Variants in B3GALT1 observed in about 807,000 individuals in gnomAD.
B3GALT1 encodes the protein beta-1,3-galactosyltransferase 1.
In B3GALT1, 10 loss-of-function variants were observed where a neutral mutation model predicts 23.2. The observed-to-expected ratio is 0.43, with a 90% CI of 0.27 to 0.73. The LOEUF (loss-of-function observed/expected upper bound fraction) is 0.73, where lower values mean the gene tolerates loss of function less well. Ranked by LOEUF, B3GALT1 falls within the 30% of genes least tolerant of loss-of-function variation. B3GALT1 has a pLI of 0.21. For missense variants in B3GALT1, 299 were observed against 405.4 expected (o/e 0.74, Z 2.25); for synonymous variants, 156 against 141.5 (o/e 1.10, Z -0.73).
At chr2:167,838,361 C>G (rs1350643760) in intron 4 of B3GALT1, among the ~76,000 whole-genome samples, 4 of 152,280 alleles carry the variant, frequency 2.6e-5, no homozygotes, top group African/African-American at 9.6e-5. Flanking sequence ...ACCGATCCCA[C>G]AGAAATACAA....
At chr2:167,699,424 A>G (rs1686842939) in intron 3 of B3GALT1, among the ~76,000 whole-genome samples, 1 of 140,086 alleles carries the variant, frequency 7.1e-6, no homozygotes, top group Admixed American at 7.5e-5. Context: ...CCTATTAACT[A>G]AAACCCCAAT....
chr2:167,780,169 A>T (rs9287887), intron 3 of B3GALT1, among the ~76,000 whole-genome samples: 1 of 152,114 alleles, frequency 6.6e-6, no homozygotes, highest in Non-Finnish European at 1.5e-5. Flanking sequence ...CAAGAGTTCA[A>T]ATAAGTTTTG....
At chr2:167,622,802 A>G (rs980042201) in intron 2 of B3GALT1, among the ~76,000 whole-genome samples, 1 of 152,110 alleles carries the variant, frequency 6.6e-6, no homozygotes, top group Non-Finnish European at 1.5e-5. Flanking sequence ...TATCCTGATG[A>G]CATTCTAAGG....
At chr2:167,564,811 A>T (rs1325270442) in intron 2 of B3GALT1, among the ~76,000 whole-genome samples, 9 of 152,232 alleles carry the variant, frequency 5.9e-5, no homozygotes, top group African/African-American at 1.9e-4. Flanking sequence ...GATGTGAAGG[A>T]CCTCTTGAAG....
intron 3 of B3GALT1, among the ~76,000 whole-genome samples, chr2:167,732,048 A>G (rs891505624): frequency 1.3e-5 from 2 of 152,174 alleles, no homozygotes; most frequent in African/African-American, 2.4e-5. Flanking sequence ...ATTACAACCT[A>G]TATAATACAT....
Position 167,429,045 on chromosome 2 carries a change from T to A in B3GALT1, c.-510-61132T>A, listed in dbSNP as rs201822265. The stretch of plus-strand genomic sequence containing the variant: ...CTGTAATCCCAGCACTTTGGGAGGC[T>A]GAGGCAGGCGGATCACGAGGTCAGG... On this transcript the variant is annotated intron_variant, in intron 1 of 4. Coordinates refer to ENST00000392690, the MANE Select transcript of B3GALT1 (RefSeq NM_020981.4). Among the ~76,000 whole-genome samples, 114 of 152,156 alleles carry A rather than the reference T, an allele frequency of 7.5e-4. 1 individual carries two copies. The East Asian group carries it at 0.018, about 24-fold the overall frequency.
chr2:167,476,708 C>T (rs1574095370), intron 1 of B3GALT1, among the ~76,000 whole-genome samples: 1 of 152,178 alleles, frequency 6.6e-6, no homozygotes, highest in Non-Finnish European at 1.5e-5. Context: ...CTCTACACCT[C>T]TCACTGAGAT....
chr2:167,562,791 C>A (rs1399395960), intron 2 of B3GALT1, among the ~76,000 whole-genome samples: 2 of 151,926 alleles, frequency 1.3e-5, no homozygotes, highest in Admixed American at 1.3e-4. Context: ...GCAGAGGACC[C>A]TGCGGCCTTC....
chr2:167,617,982 C>T (rs1330861460), intron 2 of B3GALT1, among the ~76,000 whole-genome samples: 1 of 151,992 alleles, frequency 6.6e-6, no homozygotes, highest in African/African-American at 2.4e-5. Flanking sequence ...TTTTTATTTA[C>T]CACATCCTGG....
intron 1 of B3GALT1, among the ~76,000 whole-genome samples, chr2:167,331,477 G>A (rs1023312269): frequency 6.6e-6 from 1 of 152,162 alleles, no homozygotes; most frequent in Non-Finnish European, 1.5e-5. Flanking sequence ...TGCTGGTGTT[G>A]GCAGTGTATG....
At chr2:167,801,167 G>C (rs149570024) in intron 3 of B3GALT1, among the ~76,000 whole-genome samples, 1 of 152,338 alleles carries the variant, frequency 6.6e-6, no homozygotes, top group African/African-American at 2.4e-5. Flanking sequence ...ATCCGGGCCT[G>C]AGGCCCTGAA....
At chr2:167,463,214 G>T (rs1464296575) in intron 1 of B3GALT1, among the ~76,000 whole-genome samples, 2 of 151,558 alleles carry the variant, frequency 1.3e-5, no homozygotes, top group East Asian at 3.9e-4. Context: ...TCTTATCTGG[G>T]CCAAATTTTA....
chr2:167,801,588 G>C (rs16854237), intron 3 of B3GALT1, among the ~76,000 whole-genome samples: 2,780 of 152,262 alleles, frequency 0.018, 88 homozygotes, highest in African/African-American at 0.062. Flanking sequence ...ATCTAGGTAA[G>C]AGTGTGTTTT....
At chr2:167,849,018 A>C (rs1431216643) in intron 4 of B3GALT1, among the ~76,000 whole-genome samples, 1 of 152,224 alleles carries the variant, frequency 6.6e-6, no homozygotes, top group Non-Finnish European at 1.5e-5. Flanking sequence ...GAATACACCT[A>C]ACCAAGGAGT....
chr2:167,787,386 A>G (rs1350226189), intron 3 of B3GALT1, among the ~76,000 whole-genome samples: 4 of 152,232 alleles, frequency 2.6e-5, no homozygotes, highest in Non-Finnish European at 5.9e-5. Context: ...TTTCCTCATC[A>G]GAAATGAACA....
chr2:167,773,414 G>T (rs112535286), intron 3 of B3GALT1, among the ~76,000 whole-genome samples: 1,562 of 152,072 alleles, frequency 0.01, 20 homozygotes, highest in South Asian at 0.023. Flanking sequence ...CTTCTAAATG[G>T]TTTACTATAA....
intron 2 of B3GALT1, among the ~76,000 whole-genome samples, chr2:167,590,834 A>G (rs1173630033): frequency 6.6e-6 from 1 of 152,226 alleles, no homozygotes; most frequent in Non-Finnish European, 1.5e-5. Flanking sequence ...CAAAATTCTT[A>G]TGTTTCAGGA....
Position 167,873,338 on chromosome 2 carries a change from T to C in B3GALT1, c.*3318T>C, listed in dbSNP as rs1690387142. On this transcript the variant is annotated 3_prime_UTR_variant, in exon 5 of 5. Coordinates refer to ENST00000392690, the MANE Select transcript of B3GALT1 (RefSeq NM_020981.4). ...GTCCATTTCAATATGTAATATTGTA[T>C]TTTTAAATAACCAGAATCAACAAAG... 1 of 152,198 alleles carries C rather than the reference T, an allele frequency of 6.6e-6. No homozygotes were observed. Among genetic ancestry groups the C allele is most frequent in the Non-Finnish European group, 1.5e-5 (1 of 68,022 alleles). The allele number at this position is 152,198 out of a possible 1,614,324, so 9.4% of individuals were successfully genotyped here. A position where few individuals can be genotyped will look rare whatever the true frequency, so the allele number is the denominator to read the frequency against.
At chr2:167,574,857 C>T (rs1310659778) in intron 2 of B3GALT1, among the ~76,000 whole-genome samples, 1 of 151,742 alleles carries the variant, frequency 6.6e-6, no homozygotes, top group Non-Finnish European at 1.5e-5. Context: ...ATTAATCATT[C>T]TGGCAACAGT....
Sources: allele counts gnomAD v4.1 joint callset (sites outside exome capture counted in the v4.1 genomes callset), GRCh38; gene constraint gnomAD v4.1.1; transcripts MANE v1.5; gene names NCBI Gene and HGNC (gene_info 2026-07-23, HGNC 2026-07-21).